Variants in MPPED2 observed in about 807,000 individuals in gnomAD.
MPPED2 encodes the protein metallophosphoesterase MPPED2.
MPPED2 carries 5 observed loss-of-function variants against 33.0 expected under a neutral mutation model. The observed-to-expected ratio is 0.15, with a 90% CI of 0.08 to 0.32. MPPED2 has a LOEUF of 0.32. Ranked by LOEUF, MPPED2 falls within the 10% of genes least tolerant of loss-of-function variation. The probability of loss-of-function intolerance (pLI) is 1.00; values close to 1 mark genes in which losing one functional copy is unlikely to be tolerated. For synonymous variants in MPPED2, 136 were observed against 141.9 expected (o/e 0.96, Z 0.29); for missense variants, 275 against 372.1 (o/e 0.74, Z 2.15).
intron 4 of MPPED2, among the ~76,000 whole-genome samples, chr11:30,419,381 G>A (rs1948512157): frequency 6.6e-6 from 1 of 152,108 alleles, no homozygotes; most frequent in African/African-American, 2.4e-5. Flanking sequence ...TCCTTGCTCT[G>A]GGTGAGACTC....
chr11:30,386,715 C>T (rs148181727), exon 7 of MPPED2: 150 of 398,514 alleles, frequency 3.8e-4, no homozygotes, highest in African/African-American at 2.8e-3. Context: ...CTTGTCGCTG[C>T]TTGTCCTGCC....
intron 4 of MPPED2, among the ~76,000 whole-genome samples, chr11:30,422,932 T>C (rs1430562267): frequency 1.3e-5 from 2 of 152,288 alleles, no homozygotes; most frequent in East Asian, 3.9e-4. Context: ...ACCCTCCCCC[T>C]TGCTCTTGAA....
At chr11:30,399,752 C>A (rs1947885044) in intron 6 of MPPED2, among the ~76,000 whole-genome samples, 1 of 152,070 alleles carries the variant, frequency 6.6e-6, no homozygotes, top group South Asian at 2.1e-4. Context: ...AAATTAAGGT[C>A]ATAAACTCTA....
intron 2 of MPPED2, among the ~76,000 whole-genome samples, chr11:30,550,402 A>C (rs1456023669): frequency 6.6e-6 from 1 of 152,128 alleles, no homozygotes; most frequent in East Asian, 1.9e-4. Context: ...TGACTCTTAA[A>C]TGTTTGCTTC....
At chr11:30,498,540 C>A (rs1381479682) in intron 3 of MPPED2, among the ~76,000 whole-genome samples, 1 of 128,200 alleles carries the variant, frequency 7.8e-6, no homozygotes, top group African/African-American at 3.5e-5. Flanking sequence ...AAGAGCAAAA[C>A]TTGTCTCAAA....
intron 4 of MPPED2, among the ~76,000 whole-genome samples, chr11:30,493,873 A>T (rs574587636): frequency 2.0e-5 from 3 of 152,324 alleles, no homozygotes; most frequent in African/African-American, 7.2e-5. Context: ...AGATGTGAAA[A>T]CTGAGGCTCA....
intron 4 of MPPED2, among the ~76,000 whole-genome samples, chr11:30,483,218 T>C (rs1220720591): frequency 6.6e-6 from 1 of 152,206 alleles, no homozygotes; most frequent in Non-Finnish European, 1.5e-5. Flanking sequence ...AAGTACTTTT[T>C]TCAGAACTTA....
intron 2 of MPPED2, among the ~76,000 whole-genome samples, chr11:30,552,614 T>TTC (rs1324652992): frequency 4.6e-5 from 7 of 152,164 alleles, no homozygotes; most frequent in Non-Finnish European, 8.8e-5. Context: ...GTTTTGTTTT[T>TTC]TCTCTCTCTC....
chr11:30,477,947 T>A (rs1403219036), intron 4 of MPPED2, among the ~76,000 whole-genome samples: 1 of 152,058 alleles, frequency 6.6e-6, no homozygotes, highest in African/African-American at 2.4e-5. Flanking sequence ...CTCTCTTTTT[T>A]TCCCCTAGGA....
chr11:30,481,434 C>G (rs143759541), intron 4 of MPPED2, among the ~76,000 whole-genome samples: 1 of 152,084 alleles, frequency 6.6e-6, no homozygotes, highest in East Asian at 1.9e-4. Context: ...TAAAGCAAAC[C>G]GAGCAGCCTG....
At chr11:30,429,546 C>A (rs1179667676) in intron 4 of MPPED2, among the ~76,000 whole-genome samples, 3 of 152,130 alleles carry the variant, frequency 2.0e-5, no homozygotes. Flanking sequence ...GCACACAGAC[C>A]CGGTGTCTCC....
intron 4 of MPPED2, among the ~76,000 whole-genome samples, chr11:30,437,284 G>T (rs1949366315): frequency 6.6e-6 from 1 of 152,126 alleles, no homozygotes; most frequent in African/African-American, 2.4e-5. Context: ...TGTTCATTTA[G>T]GTTTTTCTAT....
chr11:30,458,914 C>CT (rs71060450), intron 4 of MPPED2, among the ~76,000 whole-genome samples: 15,521 of 64,532 alleles, frequency 0.24, 5,502 homozygotes, highest in Non-Finnish European at 0.34. Context: ...TTGCACAGTT[C>CT]TTTTTTTTTT....
Position 30,411,251 on chromosome 11 carries a change from G to C in MPPED2, c.*217C>G. On this transcript the variant is annotated 3_prime_UTR_variant, in exon 7 of 7. Transcript: ENST00000358117. The stretch of plus-strand genomic sequence containing the variant: ...TGGCATGGCCTTTGAGAAAACAGAA[G>C]TCATTTTACAAATTCACAATGTTCC... The C allele has an allele frequency of 1.7e-6, 2 of 1,186,514 alleles. No homozygotes were observed. Among genetic ancestry groups the C allele is most frequent in the Non-Finnish European group, 2.1e-6 (2 of 955,828 alleles). 73.5% of individuals were successfully genotyped at this position (1,186,514 alleles called of 1,614,324 possible). A position where few individuals can be genotyped will look rare whatever the true frequency, so the allele number is the denominator to read the frequency against.
At chr11:30,492,567 T>C (rs1272084135) in intron 4 of MPPED2, among the ~76,000 whole-genome samples, 1 of 152,190 alleles carries the variant, frequency 6.6e-6, no homozygotes, top group Non-Finnish European at 1.5e-5. Context: ...CTGGAAATGC[T>C]CTGTCTCCTG....
At chr11:30,577,562 T>C (rs1373190929) in intron 2 of MPPED2, among the ~76,000 whole-genome samples, 1 of 152,236 alleles carries the variant, frequency 6.6e-6, no homozygotes, top group African/African-American at 2.4e-5. Flanking sequence ...AAATATTTTA[T>C]AGATATTTTC....
intron 4 of MPPED2, among the ~76,000 whole-genome samples, chr11:30,484,951 CATGGTAA>C: frequency 6.6e-6 from 1 of 152,086 alleles, no homozygotes; most frequent in Admixed American, 6.5e-5. Flanking sequence ...TCTCTTCTAC[CATGGTAA>C]TACCACCATA....
chr11:30,437,340 T>C (rs1196570211), intron 4 of MPPED2, among the ~76,000 whole-genome samples: 1 of 152,214 alleles, frequency 6.6e-6, no homozygotes, highest in South Asian at 2.1e-4. Flanking sequence ...CGTAAAAGTA[T>C]GTTAACTGAA....
At chr11:30,571,034 C>A (rs1956665184) in intron 2 of MPPED2, among the ~76,000 whole-genome samples, 1 of 152,176 alleles carries the variant, frequency 6.6e-6, no homozygotes, top group Non-Finnish European at 1.5e-5. Context: ...AAGGAAGCCA[C>A]TACCAACAGA....
Sources: gnomAD v4.1 joint callset for allele counts (sites outside exome capture counted in the v4.1 genomes callset) on GRCh38, gnomAD v4.1.1 for gene constraint, MANE v1.5 for transcripts, NCBI Gene and HGNC (gene_info 2026-07-23, HGNC 2026-07-21) for gene names.